OSBPL5: variants seen among roughly 807,000 people sequenced by gnomAD.
OSBPL5 encodes the protein oxysterol-binding protein-related protein 5.
In OSBPL5, 71 loss-of-function variants were observed where a neutral mutation model predicts 111.2. That is an observed-to-expected ratio of 0.64 (90% CI 0.53 to 0.78). The LOEUF is 0.78. Among genes scored for constraint, OSBPL5 ranks in the 30% least tolerant of loss-of-function variants. OSBPL5 has a pLI of 0.00. For missense variants in OSBPL5, 1,210 were observed against 1,189.3 expected (o/e 1.02, Z -0.26); for synonymous variants, 549 against 513.9 (o/e 1.07, Z -0.93).
chr11:3,100,315 C>A, intron 13 of OSBPL5, 59 bp from the exon 14 acceptor site: 1 of 1,486,444 alleles, frequency 6.7e-7, no homozygotes, highest in Non-Finnish European at 9.3e-7. Context: ...ACATCTGAGG[C>A]CACCCCTAAG....
Position 3,102,376 on chromosome 11 carries a change from G to C in OSBPL5, c.1327-95C>G. The C allele has an allele frequency of 3.5e-6, 4 of 1,158,860 alleles. No individual in the cohort carries two copies. The South Asian group carries it at 5.3e-5, about 15-fold the overall frequency. 71.8% of individuals were successfully genotyped at this position (1,158,860 alleles called of 1,614,324 possible). A position where few individuals can be genotyped will look rare whatever the true frequency, so the allele number is the denominator to read the frequency against. ...ATGTGGACGGAGGGGCAGCGTGGGT[G>C]GGCTACCCGCTGCCTGCTGGCCTGG... On this transcript the variant is annotated intron_variant, in intron 11 of 21. Coordinates refer to ENST00000263650, the MANE Select transcript of OSBPL5 (RefSeq NM_020896.4).
chr11:3,088,015 G>C lies in OSBPL5; in HGVS notation c.*190C>G. On this transcript the variant is annotated 3_prime_UTR_variant, in exon 22 of 22. Coordinates refer to ENST00000263650, the MANE Select transcript of OSBPL5 (RefSeq NM_020896.4). ...GGCGGAAGGCCCTGCAGAGAGGCCAGTGCCCCTGAGAGGGGCCCAGCACAC... is the reference window on the plus strand; with the variant it reads ...GGCGGAAGGCCCTGCAGAGAGGCCACTGCCCCTGAGAGGGGCCCAGCACAC... 2.0e-6 allele frequency: 1 copy of C among 491,880 alleles called. No individual in the cohort carries two copies. Among genetic ancestry groups the C allele is most frequent in the Non-Finnish European group, 3.5e-6 (1 of 287,358 alleles). The allele number at this position is 491,880 out of a possible 1,614,324, so 30.5% of individuals were successfully genotyped here.
rs1199642527 is a variant in OSBPL5 at position 3,092,421 on chromosome 11, G to A, written c.2259+11C>T. The A allele has an allele frequency of 1.9e-6, 3 of 1,571,810 alleles. No homozygotes were observed. Among genetic ancestry groups the A allele is most frequent in the Non-Finnish European group, 2.6e-6 (3 of 1,157,256 alleles). On this transcript the variant is annotated intron_variant, in intron 19 of 21. Transcript: ENST00000263650. The surrounding 1 kb of genome is among the most constrained non-coding windows in gnomAD (Gnocchi z 5.4). ...AAGACCAGCCCTGGGTGGGGCCTGTGGGGTGCTGACCTCGTGCCTGGGCCC... is the reference window on the plus strand; with the variant it reads ...AAGACCAGCCCTGGGTGGGGCCTGTAGGGTGCTGACCTCGTGCCTGGGCCC...
chr11:3,148,629 C>T (rs1280706878), intron 1 of OSBPL5, among the ~76,000 whole-genome samples: 1 of 152,218 alleles, frequency 6.6e-6, no homozygotes, highest in Admixed American at 6.5e-5. Context: ...CATTTTCTAT[C>T]ATACGAAGCC....
intron 1 of OSBPL5, among the ~76,000 whole-genome samples, chr11:3,132,009 G>GCATCCACC (rs1845828319): frequency 2.5e-5 from 1 of 40,126 alleles, no homozygotes. Context: ...TCCCTTTCAG[G>GCATCCACC]CATCCATCCA....
rs964071037 is a variant in OSBPL5, at chr11:3,106,964, T to C, written c.1059+299A>G. Among the ~76,000 whole-genome samples the C allele has an allele frequency of 1.4e-4, 21 of 152,196 alleles. No individual in the cohort carries two copies. The highest frequency in any genetic ancestry group is 4.6e-4 in the African/African-American group (19 of 41,436). Reference sequence around the variant, plus strand: ...TCAAGGGCCCCTCTTGAGCCTCCTGTTCTCCCATCAGCGCATTCCAGCCCA... The same window carrying C: ...TCAAGGGCCCCTCTTGAGCCTCCTGCTCTCCCATCAGCGCATTCCAGCCCA... On this transcript the variant is annotated intron_variant, in intron 9 of 21. Transcript: ENST00000263650. This position sits in a 1 kb window ranked among gnomAD's most constrained non-coding sequence, Gnocchi z 8.4.
rs369750603 is a variant in OSBPL5 at position 3,109,327 on chromosome 11, C to T, written c.692-1382G>A. Among the ~76,000 whole-genome samples the T allele has an allele frequency of 4.1e-4, 61 of 148,662 alleles. 1 individual carries two copies. The highest frequency in any genetic ancestry group is 3.6e-4 in the Non-Finnish European group (24 of 67,028). On this transcript the variant is annotated intron_variant, in intron 7 of 21. Coordinates refer to ENST00000263650, the MANE Select transcript of OSBPL5 (RefSeq NM_020896.4). This position sits in a 1 kb window ranked among gnomAD's most constrained non-coding sequence, Gnocchi z 7.4. Reference sequence around the variant, plus strand: ...CCTCTGGGCCTCAAGTGATCTGCGTCGGCCTCCCAAAGTGCTGGGATTACA... The same window carrying T: ...CCTCTGGGCCTCAAGTGATCTGCGTTGGCCTCCCAAAGTGCTGGGATTACA...
intron 1 of OSBPL5, among the ~76,000 whole-genome samples, chr11:3,160,103 C>T (rs1298740178): frequency 1.3e-5 from 2 of 152,064 alleles, no homozygotes; most frequent in African/African-American, 4.8e-5. Context: ...TGCCTGCTGG[C>T]TCTGGCTTGA....
At chr11:3,148,384 G>C (rs988460764) in intron 1 of OSBPL5, among the ~76,000 whole-genome samples, 1 of 152,238 alleles carries the variant, frequency 6.6e-6, no homozygotes, top group East Asian at 1.9e-4. Flanking sequence ...AGGGAGGGTG[G>C]AGAGGAAGTG....
At position 3,121,861 on chromosome 11, in the gene OSBPL5, C is replaced by A; in HGVS notation, c.402+136G>T. On this transcript the variant is annotated intron_variant, in intron 5 of 21. Transcript: ENST00000263650. The surrounding 1 kb of genome is among the most constrained non-coding windows in gnomAD (Gnocchi z 4.3). ...AAGGAAAGGCCTCATGAGGAAGGAG[C>A]AGAGGCTGCAGTGATAACGGCTAGA... 1.4e-6 allele frequency: 1 copy of A among 733,576 alleles called. No homozygotes were observed. The highest frequency in any genetic ancestry group is 2.3e-5 in the Admixed American group (1 of 43,680). 45.4% of individuals were successfully genotyped at this position (733,576 alleles called of 1,614,324 possible).
intron 1 of OSBPL5, among the ~76,000 whole-genome samples, chr11:3,159,542 T>G (rs1846890870): frequency 6.6e-6 from 1 of 152,170 alleles, no homozygotes. Context: ...GCCAACTGCT[T>G]CCCATGGACT....
intron 3 of OSBPL5, among the ~76,000 whole-genome samples, chr11:3,122,855 G>A (rs1001534392): frequency 1.3e-5 from 2 of 152,214 alleles, no homozygotes; most frequent in South Asian, 2.1e-4. Context: ...GGAGTTCGCA[G>A]AAGAGGAGCT....
rs1364719681 is a variant in OSBPL5, at chr11:3,154,541, ACAC to A, written c.-22+10672_-22+10674del. Among the ~76,000 whole-genome samples, 3 of 152,230 alleles carry A rather than the reference ACAC, an allele frequency of 2.0e-5. No individual in the cohort carries two copies. Among genetic ancestry groups the A allele is most frequent in the Non-Finnish European group, 4.4e-5 (3 of 68,040 alleles). The stretch of plus-strand genomic sequence containing the variant: ...AGATTCAAGCAGGTGAAATCTGAGA[ACAC>A]TGCACACACTCATGGGTGCGGAAGG... On this transcript the variant is annotated intron_variant, in intron 1 of 21. Coordinates refer to ENST00000263650, the MANE Select transcript of OSBPL5 (RefSeq NM_020896.4). This position sits in a 1 kb window ranked among gnomAD's most constrained non-coding sequence, Gnocchi z 4.9.
chr11:3,120,719 G>C, intron 5 of OSBPL5, 95 bp from the exon 6 acceptor site: 1 of 1,411,626 alleles, frequency 7.1e-7, no homozygotes, highest in Non-Finnish European at 9.6e-7. Flanking sequence ...ACAGACCAGG[G>C]TGGGCTGCCG....
In OSBPL5 at chr11:3,154,776, G is replaced by C. The variant is rs566380196; in HGVS notation, c.-22+10440C>G. 6.6e-6 allele frequency among the ~76,000 whole-genome samples: 1 copy of C among 152,260 alleles called. No homozygotes were observed. The highest frequency in any genetic ancestry group is 2.1e-4 in the South Asian group (1 of 4,822). Reference sequence around the variant, plus strand: ...GGACCTGAGAAAGCGGCTGTACTTGGAGATGGGGTCTTTAAAGAGCCCCCT... The same window carrying C: ...GGACCTGAGAAAGCGGCTGTACTTGCAGATGGGGTCTTTAAAGAGCCCCCT... On this transcript the variant is annotated intron_variant, in intron 1 of 21. Coordinates refer to ENST00000263650, the MANE Select transcript of OSBPL5 (RefSeq NM_020896.4). This position sits in a 1 kb window ranked among gnomAD's most constrained non-coding sequence, Gnocchi z 4.9.
chr11:3,097,606 G>A (rs1158094241), intron 14 of OSBPL5, among the ~76,000 whole-genome samples: 1 of 152,076 alleles, frequency 6.6e-6, no homozygotes, highest in South Asian at 2.1e-4. Flanking sequence ...AATAATTATC[G>A]AGCACCTTCA....
chr11:3,152,041 G>A (rs961886515), intron 1 of OSBPL5, among the ~76,000 whole-genome samples: 2 of 152,238 alleles, frequency 1.3e-5, no homozygotes, highest in Non-Finnish European at 2.9e-5. Context: ...GTGAGAAAGC[G>A]AGGCCTTCTG....
At chr11:3,118,727 A>T (rs927569064) in intron 7 of OSBPL5, among the ~76,000 whole-genome samples, 1 of 151,880 alleles carries the variant, frequency 6.6e-6, no homozygotes, top group Non-Finnish European at 1.5e-5. Flanking sequence ...ACCCACCACC[A>T]TGCCCAGCTA....
At position 3,126,682 on chromosome 11, in the gene OSBPL5, G is replaced by A; in HGVS notation, c.137-127C>T. On this transcript the variant is annotated intron_variant, in intron 2 of 21. Transcript: ENST00000263650. This position sits in a 1 kb window ranked among gnomAD's most constrained non-coding sequence, Gnocchi z 6.5. ...CCTGGGAGGGGCAGGAAGTCAGCCG[G>A]AGGTGGTGGCAGGAACAGGACACTG... The A allele has an allele frequency of 1.4e-6, 1 of 699,696 alleles. No homozygotes were observed. The highest frequency in any genetic ancestry group is 2.3e-6 in the Non-Finnish European group (1 of 431,288). The allele number at this position is 699,696 out of a possible 1,614,324, so 43.3% of individuals were successfully genotyped here.
Sources: gnomAD v4.1 joint callset for allele counts (sites outside exome capture counted in the v4.1 genomes callset) on GRCh38, gnomAD v4.1.1 for gene constraint, Gnocchi (gnomAD v3.1) non-coding constraint, MANE v1.5 for transcripts, NCBI Gene and HGNC (gene_info 2026-07-23, HGNC 2026-07-21) for gene names.